The following TMTC2 variants were observed in gnomAD, a reference collection of about 807,000 sequenced individuals.
TMTC2 encodes the protein transmembrane O-mannosyltransferase targeting cadherins 2.
In TMTC2, 43 loss-of-function variants were observed where a neutral mutation model predicts 82.4. The ratio of observed to expected loss-of-function variants is 0.52; its 90% CI spans 0.41 to 0.67. TMTC2 has a LOEUF of 0.67. TMTC2 is among the 30% of genes least tolerant of loss of function. The pLI, the probability that TMTC2 is intolerant of heterozygous loss-of-function variation, is 0.00. For synonymous variants in TMTC2, 408 were observed against 381.9 expected (o/e 1.07, Z -0.80); for missense variants, 919 against 1,012.4 (o/e 0.91, Z 1.25).
chr12:83,004,162 T>C (rs1405053688), intron 8 of TMTC2, among the ~76,000 whole-genome samples: 1 of 152,214 alleles, frequency 6.6e-6, no homozygotes, highest in Non-Finnish European at 1.5e-5. Flanking sequence ...TGTTGTGTTG[T>C]TAATGCCTCC....
intron 2 of TMTC2, among the ~76,000 whole-genome samples, chr12:82,860,449 A>G (rs915536643): frequency 3.3e-5 from 5 of 152,206 alleles, no homozygotes; most frequent in African/African-American, 1.2e-4. Flanking sequence ...AGTTTGAGGA[A>G]CAAATATAGG....
At chr12:82,884,267 G>T (rs1251530706) in intron 2 of TMTC2, among the ~76,000 whole-genome samples, 1 of 152,150 alleles carries the variant, frequency 6.6e-6, no homozygotes, top group Non-Finnish European at 1.5e-5. Context: ...CATAGCAATG[G>T]GTTTAGAGGC....
At chr12:82,931,564 C>T (rs2137244678) in intron 4 of TMTC2, among the ~76,000 whole-genome samples, 1 of 152,228 alleles carries the variant, frequency 6.6e-6, no homozygotes, top group East Asian at 1.9e-4. Flanking sequence ...TTTAAGCTTG[C>T]TTGAACACAC....
intron 1 of TMTC2, among the ~76,000 whole-genome samples, chr12:82,750,830 GTATAATACC>G (rs1460823475): frequency 6.6e-6 from 1 of 152,122 alleles, no homozygotes. Flanking sequence ...AGAGCATTTA[GTATAATACC>G]TATTGCAGGA....
intron 1 of TMTC2, among the ~76,000 whole-genome samples, chr12:82,818,477 A>G (rs1374481643): frequency 2.0e-5 from 3 of 152,156 alleles, no homozygotes; most frequent in African/African-American, 7.2e-5. Context: ...CACATGCCCT[A>G]GACCATGATT....
At chr12:82,759,412 A>T (rs1052862362) in intron 1 of TMTC2, 4 of 152,234 alleles carry the variant, frequency 2.6e-5, no homozygotes, top group Non-Finnish European at 5.9e-5. Flanking sequence ...TAAGATTCTA[A>T]TTACAAATTT....
intron 2 of TMTC2, among the ~76,000 whole-genome samples, chr12:82,859,216 T>C (rs1487074237): frequency 1.3e-5 from 2 of 152,020 alleles, no homozygotes; most frequent in Non-Finnish European, 1.5e-5. Flanking sequence ...TACAGGCACA[T>C]GCCACCATGC....
chr12:82,915,512 A>G (rs1874949443), intron 3 of TMTC2, among the ~76,000 whole-genome samples: 1 of 152,230 alleles, frequency 6.6e-6, no homozygotes, highest in African/African-American at 2.4e-5. Flanking sequence ...GACTTATAGT[A>G]GGAAACTAAC....
At chr12:82,846,322 C>T (rs1870675460) in intron 1 of TMTC2, among the ~76,000 whole-genome samples, 1 of 152,014 alleles carries the variant, frequency 6.6e-6, no homozygotes, top group African/African-American at 2.4e-5. Flanking sequence ...CATGTGACTG[C>T]ACTCCAGCCT....
chr12:83,091,706 A>T (rs1444931608), intron 11 of TMTC2, among the ~76,000 whole-genome samples: 1 of 152,120 alleles, frequency 6.6e-6, no homozygotes, highest in Non-Finnish European at 1.5e-5. Flanking sequence ...TATCTTTTGC[A>T]CATTTTTTAG....
At chr12:82,705,139 G>A (rs545596722) in intron 1 of TMTC2, among the ~76,000 whole-genome samples, 2 of 152,266 alleles carry the variant, frequency 1.3e-5, no homozygotes, top group South Asian at 2.1e-4. Flanking sequence ...GCTAAACCAC[G>A]AGTATGTAAA....
chr12:82,890,534 A>G (rs1873342313), intron 2 of TMTC2, among the ~76,000 whole-genome samples: 1 of 152,192 alleles, frequency 6.6e-6, no homozygotes, highest in South Asian at 2.1e-4. Flanking sequence ...CAAGAGTCCA[A>G]CAACATTTTT....
At chr12:82,776,485 A>C (rs997011193) in intron 1 of TMTC2, among the ~76,000 whole-genome samples, 3 of 152,060 alleles carry the variant, frequency 2.0e-5, no homozygotes, top group African/African-American at 7.2e-5. Context: ...TAAAAGGTAT[A>C]CTTGGTCAGG....
intron 11 of TMTC2, 76 bp from the exon 12 acceptor site, chr12:83,132,134 G>T: frequency 1.3e-6 from 2 of 1,494,988 alleles, no homozygotes; most frequent in South Asian, 1.4e-5. Flanking sequence ...TGCATAAGTG[G>T]ATGAAGATTT....
At chr12:83,105,577 TTAA>T (rs1884366001) in intron 11 of TMTC2, among the ~76,000 whole-genome samples, 2 of 152,146 alleles carry the variant, frequency 1.3e-5, no homozygotes, top group African/African-American at 2.4e-5. Flanking sequence ...TGCCATCCAC[TTAA>T]ACAAGCAGAT....
intron 11 of TMTC2, among the ~76,000 whole-genome samples, chr12:83,096,430 A>G (rs1238860698): frequency 1.3e-5 from 2 of 152,148 alleles, no homozygotes; most frequent in Non-Finnish European, 2.9e-5. Flanking sequence ...GTGTGATTTC[A>G]TGCTGCTTAT....
intron 7 of TMTC2, among the ~76,000 whole-genome samples, chr12:82,967,659 A>G (rs1041805446): frequency 3.9e-5 from 6 of 152,130 alleles, no homozygotes; most frequent in Non-Finnish European, 7.4e-5. Flanking sequence ...CCACATATTC[A>G]GCATATGACA....
intron 3 of TMTC2, among the ~76,000 whole-genome samples, chr12:82,926,626 C>T (rs1386655913): frequency 6.6e-6 from 1 of 152,174 alleles, no homozygotes; most frequent in Middle Eastern, 3.4e-3. Context: ...GAAGAAGATA[C>T]CATATAAGAC....
intron 11 of TMTC2, among the ~76,000 whole-genome samples, chr12:83,119,702 T>C (rs2137558501): frequency 6.6e-6 from 1 of 152,316 alleles, no homozygotes; most frequent in East Asian, 1.9e-4. Context: ...CTTCATTGAC[T>C]TTCTGTCTTG....
Sources: gnomAD v4.1 joint callset for allele counts (sites outside exome capture counted in the v4.1 genomes callset) on GRCh38, gnomAD v4.1.1 for gene constraint, MANE v1.5 for transcripts, NCBI Gene and HGNC (gene_info 2026-07-23, HGNC 2026-07-21) for gene names.